PELI2: variants seen among roughly 807,000 people sequenced by gnomAD.
The protein encoded by PELI2 is pellino E3 ubiquitin protein ligase family member 2, also known as E3 ubiquitin-protein ligase pellino homolog 2.
In PELI2, 23 loss-of-function variants were observed where a neutral mutation model predicts 42.3. The ratio of observed to expected loss-of-function variants is 0.54; its 90% CI spans 0.39 to 0.77. PELI2 has a LOEUF of 0.77. PELI2 is among the 30% of genes least tolerant of loss of function. PELI2 has a pLI of 0.00. For missense variants in PELI2, 463 were observed against 553.2 expected (o/e 0.84, Z 1.64); for synonymous variants, 245 against 212.2 (o/e 1.15, Z -1.34).
At chr14:56,198,852 C>A (rs946782037) in intron 2 of PELI2, among the ~76,000 whole-genome samples, 1 of 152,086 alleles carries the variant, frequency 6.6e-6, no homozygotes, top group Non-Finnish European at 1.5e-5. Flanking sequence ...AATTTTGGTA[C>A]TTTTATATTT....
intron 1 of PELI2, among the ~76,000 whole-genome samples, chr14:56,173,533 A>G (rs1469092173): frequency 1.3e-5 from 2 of 152,114 alleles, no homozygotes; most frequent in African/African-American, 2.4e-5. Flanking sequence ...GCCATAACAC[A>G]TTACCACAAA....
chr14:56,263,518 A>T (rs1390368424), intron 2 of PELI2, among the ~76,000 whole-genome samples: 5 of 152,214 alleles, frequency 3.3e-5, no homozygotes, highest in Non-Finnish European at 7.3e-5. Flanking sequence ...TATTATTCTG[A>T]CAATGTAGAA....
At chr14:56,234,284 A>G (rs901476122) in intron 2 of PELI2, among the ~76,000 whole-genome samples, 1 of 152,244 alleles carries the variant, frequency 6.6e-6, no homozygotes, top group Non-Finnish European at 1.5e-5. Context: ...TCATGCTGCT[A>G]TAAAGACACA....
At chr14:56,226,562 T>C (rs1459377858) in intron 2 of PELI2, among the ~76,000 whole-genome samples, 1 of 152,222 alleles carries the variant, frequency 6.6e-6, no homozygotes, top group African/African-American at 2.4e-5. Flanking sequence ...TCCCTCAAAT[T>C]GTATTGATGG....
In PELI2 at chr14:56,125,458, T is replaced by C. The variant is rs151050174; in HGVS notation, c.77+6721T>C. Among the ~76,000 whole-genome samples, 28 of 151,782 alleles carry C rather than the reference T, an allele frequency of 1.8e-4. 2 individuals are homozygous for C. Among genetic ancestry groups the C allele is most frequent in the East Asian group, 1.4e-3 (7 of 5,128 alleles). ...GCAGGGTGAAATGCTAGGGATAAGG[T>C]AGTGGGGGATCCTTTTGGACAAAAT... On this transcript the variant is annotated intron_variant, in intron 1 of 5. Transcript: ENST00000267460.
intron 2 of PELI2, among the ~76,000 whole-genome samples, chr14:56,268,213 A>G (rs1758219164): frequency 6.6e-6 from 1 of 152,146 alleles, no homozygotes. Context: ...TCAACAAGGA[A>G]TTTTGCTTTT....
At chr14:56,190,392 A>C (rs1443879325) in intron 2 of PELI2, among the ~76,000 whole-genome samples, 3 of 152,236 alleles carry the variant, frequency 2.0e-5, no homozygotes, top group Non-Finnish European at 4.4e-5. Context: ...TATTTTAAGA[A>C]GATTTTCTTT....
intron 2 of PELI2, among the ~76,000 whole-genome samples, chr14:56,205,347 A>G (rs1470828806): frequency 1.3e-5 from 2 of 152,180 alleles, no homozygotes; most frequent in African/African-American, 2.4e-5. Context: ...GGATTTACTC[A>G]TATATATTTT....
intron 5 of PELI2, among the ~76,000 whole-genome samples, chr14:56,292,531 T>G (rs1004968577): frequency 7.2e-5 from 11 of 152,240 alleles, no homozygotes; most frequent in Non-Finnish European, 1.0e-4. Flanking sequence ...ATTTGCAGTC[T>G]AATACAGAAA....
At chr14:56,213,156 C>T (rs1886769986) in intron 2 of PELI2, among the ~76,000 whole-genome samples, 2 of 152,182 alleles carry the variant, frequency 1.3e-5, no homozygotes, top group Non-Finnish European at 2.9e-5. Flanking sequence ...GTATCACGTT[C>T]TGAAGAATAG....
At chr14:56,262,366 A>G in intron 2 of PELI2, among the ~76,000 whole-genome samples, 1 of 152,188 alleles carries the variant, frequency 6.6e-6, no homozygotes, top group East Asian at 1.9e-4. Context: ...TTAGATCTGA[A>G]TCCCCAGTGT....
At chr14:56,277,979 C>T (rs927708401) in intron 2 of PELI2, among the ~76,000 whole-genome samples, 3 of 152,114 alleles carry the variant, frequency 2.0e-5, no homozygotes, top group African/African-American at 7.2e-5. Context: ...CCCATTATTG[C>T]ACTCGTTAAC....
At chr14:56,169,817 C>T (rs1454548812) in intron 1 of PELI2, among the ~76,000 whole-genome samples, 7 of 152,118 alleles carry the variant, frequency 4.6e-5, no homozygotes, top group African/African-American at 9.7e-5. Flanking sequence ...GAGAAATAAA[C>T]GTTGTTGCGT....
At chr14:56,154,535 C>T (rs1884478522) in intron 1 of PELI2, among the ~76,000 whole-genome samples, 1 of 152,204 alleles carries the variant, frequency 6.6e-6, no homozygotes, top group Non-Finnish European at 1.5e-5. Context: ...TCCCTTTTGC[C>T]TTCAGCAACG....
intron 2 of PELI2, among the ~76,000 whole-genome samples, chr14:56,276,412 G>A (rs1344848594): frequency 6.6e-6 from 1 of 152,038 alleles, no homozygotes; most frequent in African/African-American, 2.4e-5. Context: ...ATCTTTTCAG[G>A]CCAGCCCAGC....
rs575961483 is a variant in PELI2 at position 56,245,364 on chromosome 14, A to G, written c.208-34312A>G. Among the ~76,000 whole-genome samples the G allele has an allele frequency of 1.1e-4, 16 of 152,330 alleles. 1 individual carries two copies. Among genetic ancestry groups the G allele is most frequent in the Middle Eastern group, 3.4e-3 (1 of 294 alleles). On this transcript the variant is annotated intron_variant, in intron 2 of 5. Transcript: ENST00000267460. ...ATGTGTCATTGAACCCAAATGAAAG[A>G]TTGTGCTGATATGGAATACTTAAAA...
intron 1 of PELI2, among the ~76,000 whole-genome samples, chr14:56,128,331 G>T (rs1410510651): frequency 6.6e-6 from 1 of 152,124 alleles, no homozygotes; most frequent in Non-Finnish European, 1.5e-5. Context: ...AGAGCTCTGG[G>T]CATACTATAT....
At chr14:56,133,231 A>G (rs1291063230) in intron 1 of PELI2, among the ~76,000 whole-genome samples, 1 of 152,208 alleles carries the variant, frequency 6.6e-6, no homozygotes, top group African/African-American at 2.4e-5. Context: ...GAATTTAATT[A>G]ATGCTAAAAA....
In PELI2 at chr14:56,273,440, T is replaced by C. The variant is rs1408600052; in HGVS notation, c.208-6236T>C. On this transcript the variant is annotated intron_variant, in intron 2 of 5. Transcript: ENST00000267460. The surrounding 1 kb of genome is among the most constrained non-coding windows in gnomAD (Gnocchi z 4.3). Reference sequence around the variant, plus strand: ...CAGATGCCAGATGATACATGATGATTGCACAAAAGCATCTTCAGGACAGAA... The same window carrying C: ...CAGATGCCAGATGATACATGATGATCGCACAAAAGCATCTTCAGGACAGAA... Among the ~76,000 whole-genome samples the C allele has an allele frequency of 6.6e-6, 1 of 152,216 alleles. No individual in the cohort carries two copies. The highest frequency in any genetic ancestry group is 2.4e-5 in the African/African-American group (1 of 41,450).
Sources: gnomAD v4.1 joint callset for allele counts (sites outside exome capture counted in the v4.1 genomes callset) on GRCh38, gnomAD v4.1.1 for gene constraint, Gnocchi (gnomAD v3.1) non-coding constraint, MANE v1.5 for transcripts, NCBI Gene and HGNC (gene_info 2026-07-23, HGNC 2026-07-21) for gene names.